The following SYDE2 variants were observed in gnomAD, a reference collection of about 807,000 sequenced individuals.
SYDE2 encodes rho GTPase-activating protein SYDE2.
SYDE2 carries 76 observed loss-of-function variants against 91.5 expected under a neutral mutation model. That is an observed-to-expected ratio of 0.83 (90% confidence interval 0.69 to 1.01). SYDE2 has a LOEUF of 1.01. SYDE2 is among the 50% of genes least tolerant of loss of function. The pLI is 0.00. For synonymous variants in SYDE2, 513 were observed against 506.4 expected, an observed-to-expected ratio of 1.01 and a Z score of -0.18; for missense variants, 1,364 against 1,367.7, an observed-to-expected ratio of 1.00 and a Z score of 0.04.
At chr1:85,186,807 G>C (rs1394480431) in intron 2 of SYDE2, among the ~76,000 whole-genome samples, 1 of 152,154 alleles carries the variant, frequency 6.6e-6, no homozygotes, top group East Asian at 1.9e-4. Flanking sequence ...AAACTGGCTA[G>C]CCATATGTAG....
intron 6 of SYDE2, among the ~76,000 whole-genome samples, chr1:85,161,401 A>G (rs1161777767): frequency 6.6e-6 from 1 of 152,226 alleles, no homozygotes; most frequent in Admixed American, 6.5e-5. Context: ...ACCTTTTCCA[A>G]AAAACTTGCC....
intron 5 of SYDE2, among the ~76,000 whole-genome samples, chr1:85,167,491 A>G (rs368234828): frequency 1.3e-5 from 2 of 152,154 alleles, no homozygotes; most frequent in Non-Finnish European, 2.9e-5. Flanking sequence ...GTCTGGCTCT[A>G]TTGCCCAGGC....
At chr1:85,175,148 A>G (rs1030393568) in intron 4 of SYDE2, among the ~76,000 whole-genome samples, 1 of 152,198 alleles carries the variant, frequency 6.6e-6, no homozygotes, top group Non-Finnish European at 1.5e-5. Flanking sequence ...TTTAATAATC[A>G]CTAAACAATA....
chr1:85,173,505 G>C (rs1211886081), intron 4 of SYDE2, among the ~76,000 whole-genome samples: 1 of 152,190 alleles, frequency 6.6e-6, no homozygotes, highest in Non-Finnish European at 1.5e-5. Context: ...TAAGTACACA[G>C]TATATAGCAG....
intron 2 of SYDE2, among the ~76,000 whole-genome samples, chr1:85,184,850 C>T (rs1658067111): frequency 2.0e-5 from 3 of 150,006 alleles, no homozygotes; most frequent in Admixed American, 2.0e-4. Context: ...ACTTGCACTC[C>T]ACCCTGGGAA....
At chr1:85,172,862 T>C (rs1657551686) in intron 4 of SYDE2, among the ~76,000 whole-genome samples, 1 of 152,180 alleles carries the variant, frequency 6.6e-6, no homozygotes, top group East Asian at 1.9e-4. Context: ...AGTGTTCATC[T>C]GAGTACTAAT....
In SYDE2 at chr1:85,200,465, G is replaced by T. The variant is rs887555981; in HGVS notation, c.532C>A (p.Pro178Thr). The T allele has an allele frequency of 1.2e-6, 2 of 1,613,814 alleles. No individual in the cohort carries two copies. The highest frequency in any genetic ancestry group is 8.5e-7 in the Non-Finnish European group (1 of 1,179,902). ...RSGKGDRQEGPSFLRPPAVTV... is the reference protein window; with the variant it reads ...RSGKGDRQEGTSFLRPPAVTV... ...ACTGCCGGCGGCCTGAGGAAGGAGG[G>T]GCCTTCCTGGCGGTCTCCTTTGCCA... The change falls in exon 1 of 7, where the codon CCC becomes ACC. Residue 178 changes from proline (P) to threonine (T), a missense_variant. By Grantham distance (38) the Pro-to-Thr change is conservative. Transcript: ENST00000341460.
At chr1:85,199,880 G>C (rs558805329) in intron 1 of SYDE2, among the ~76,000 whole-genome samples, 2 of 152,054 alleles carry the variant, frequency 1.3e-5, no homozygotes, top group East Asian at 3.9e-4. Context: ...CTACGGATTT[G>C]CCTAGAGCTA....
chr1:85,198,110 A>T (rs1482575653), intron 1 of SYDE2, among the ~76,000 whole-genome samples: 1 of 152,102 alleles, frequency 6.6e-6, no homozygotes, highest in Admixed American at 6.5e-5. Flanking sequence ...CAGACCTTTA[A>T]AGAACTCTAG....
At chr1:85,184,845 C>T (rs1250488681) in intron 2 of SYDE2, among the ~76,000 whole-genome samples, 1 of 149,856 alleles carries the variant, frequency 6.7e-6, no homozygotes, top group Non-Finnish European at 1.5e-5. Flanking sequence ...GTGCCACTTG[C>T]ACTCCACCCT....
rs546561679 is a variant in SYDE2, at chr1:85,174,251, G to C, written c.2671+3895C>G. On this transcript the variant is annotated intron_variant, in intron 4 of 6. Coordinates refer to ENST00000341460, the MANE Select transcript of SYDE2 (RefSeq NM_032184.2). ...TCTCAGTGAGTAGAAAGAAAACAAA[G>C]ATGTAGAAGACAGGGACATTATTAA... is the stretch of plus-strand genomic sequence containing the variant. 5.3e-5 allele frequency among the ~76,000 whole-genome samples: 8 copies of C among 152,256 alleles called. No individual in the cohort carries two copies. The East Asian group carries it at 1.5e-3, about 29-fold the overall frequency.
At chr1:85,196,283 C>T (rs1477257843) in intron 1 of SYDE2, among the ~76,000 whole-genome samples, 1 of 151,716 alleles carries the variant, frequency 6.6e-6, no homozygotes, top group East Asian at 1.9e-4. Flanking sequence ...TTCAAAAGTA[C>T]GGTACACCAG....
At chr1:85,170,114 C>CTT (rs5775829) in intron 4 of SYDE2, among the ~76,000 whole-genome samples, 12,499 of 131,200 alleles carry the variant, frequency 0.095, 1,681 homozygotes, top group African/African-American at 0.29. Flanking sequence ...CTTCCCATCT[C>CTT]TTTTTTTTTT....
At position 85,178,171 on chromosome 1, in the gene SYDE2, C is replaced by T; in HGVS notation, c.2646G>A (p.Gln882=). ...CTGTTATTACATTTATATCTGGGTA[C>T]TGGTTTTCACACAGACCAACAGCTT... The part of the protein sequence containing the change: ...DSKAVGLCEN[Q]YPDINVITGV... Residue 882 remains glutamine, a synonymous_variant, in exon 4 of 7, where the codon CAG becomes CAA. Transcript: ENST00000341460. The T allele has an allele frequency of 6.3e-7, 1 of 1,580,802 alleles. No individual in the cohort carries two copies. Among genetic ancestry groups the T allele is most frequent in the South Asian group, 1.2e-5 (1 of 86,410 alleles).
rs1571219954 is a variant in SYDE2 at position 85,158,172 on chromosome 1, G to A, written c.*578C>T. 2 of 152,460 alleles carry A rather than the reference G, an allele frequency of 1.3e-5. No individual in the cohort carries two copies. The allele number at this position is 152,460 out of a possible 1,614,324, so 9.4% of individuals were successfully genotyped here. A position where few individuals can be genotyped will look rare whatever the true frequency, so the allele number is the denominator to read the frequency against. On this transcript the variant is annotated 3_prime_UTR_variant, in exon 7 of 7. Coordinates refer to ENST00000341460, the MANE Select transcript of SYDE2 (RefSeq NM_032184.2). ...GTGGGCGGATCATCTGAGATCAGGAGTTCGAGACCAGCCTGGCCAACATGG... is the reference window on the plus strand; with the variant it reads ...GTGGGCGGATCATCTGAGATCAGGAATTCGAGACCAGCCTGGCCAACATGG...
At chr1:85,160,101 A>G (rs1348402116) in intron 6 of SYDE2, 1 of 984,514 alleles carries the variant, frequency 1.0e-6, no homozygotes, top group African/African-American at 1.7e-5. Flanking sequence ...AAATGCTGAC[A>G]CATAGCTATT....
At chr1:85,195,704 T>A (rs1401087538) in intron 1 of SYDE2, among the ~76,000 whole-genome samples, 1 of 152,036 alleles carries the variant, frequency 6.6e-6, no homozygotes, top group Non-Finnish European at 1.5e-5. Context: ...AATAAATAAA[T>A]ACCCCAAAAA....
At chr1:85,171,407 C>T (rs1045345360) in intron 4 of SYDE2, among the ~76,000 whole-genome samples, 6 of 151,746 alleles carry the variant, frequency 4.0e-5, no homozygotes, top group African/African-American at 9.7e-5. Flanking sequence ...GGGGATGGGG[C>T]GAGAGGAGAG....
In SYDE2 at chr1:85,183,075, G is replaced by A. The variant is rs376057292; in HGVS notation, c.1567C>T (p.Pro523Ser). ...ATGGAAAGTTTCCTCACAGTTCGTG[G>A]AGATTTTATTTTATCTGGCAATGAC... ...NWSLPDKIKS[P>S]RTVRKLSMKM... The change falls in exon 3 of 7, where the codon CCA becomes TCA. Residue 523 changes from proline to serine, a missense_variant. Coordinates refer to ENST00000341460, the MANE Select transcript of SYDE2 (RefSeq NM_032184.2). The A allele has an allele frequency of 3.1e-6, 5 of 1,613,410 alleles. No homozygotes were observed. Among genetic ancestry groups the A allele is most frequent in the African/African-American group, 1.3e-5 (1 of 74,876 alleles).
Sources: gnomAD v4.1 joint callset for allele counts (sites outside exome capture counted in the v4.1 genomes callset) on GRCh38, gnomAD v4.1.1 for gene constraint, MANE v1.5 for transcripts, NCBI Gene and HGNC (gene_info 2026-07-23, HGNC 2026-07-21) for gene names.